The following NOL4L variants were observed in gnomAD, a reference collection of about 807,000 sequenced individuals.
NOL4L encodes nucleolar protein 4 like, also known as nucleolar protein 4-like.
In NOL4L, 7 loss-of-function variants were observed where a neutral mutation model predicts 64.5. The ratio of observed to expected loss-of-function variants is 0.11; its 90% confidence interval spans 0.06 to 0.20. The LOEUF is 0.20. Ranked by LOEUF, NOL4L falls within the 10% of genes least tolerant of loss-of-function variation. NOL4L has a pLI of 1.00. For missense variants in NOL4L, 680 were observed against 967.1 expected (o/e 0.70, Z 3.94); for synonymous variants, 413 against 401.0 (o/e 1.03, Z -0.36).
chr20:32,581,560 C>T (rs1042829013), intron 1 of NOL4L, among the ~76,000 whole-genome samples: 5 of 152,140 alleles, frequency 3.3e-5, no homozygotes, highest in African/African-American at 9.7e-5. Flanking sequence ...ACCATGGCCA[C>T]CCTGGGGACA....
At chr20:32,485,829 C>T in intron 4 of NOL4L, 1 of 466,124 alleles carries the variant, frequency 2.1e-6, no homozygotes, top group Non-Finnish European at 4.5e-6. Flanking sequence ...AGACCTTTGA[C>T]TTCTCCTGGC....
At chr20:32,548,497 T>G (rs973533014) in intron 1 of NOL4L, 8 of 155,088 alleles carry the variant, frequency 5.2e-5, no homozygotes, top group African/African-American at 1.9e-4. Context: ...ATAGATCATG[T>G]GAACTGAGAT....
intron 4 of NOL4L, among the ~76,000 whole-genome samples, chr20:32,480,924 TC>T (rs2015675534): frequency 6.6e-6 from 1 of 151,980 alleles, no homozygotes; most frequent in Non-Finnish European, 1.5e-5. Context: ...CCTGCACAAT[TC>T]CACTCCTTCC....
Position 32,465,051 on chromosome 20 carries a change from CG to C in NOL4L, c.842-8657del, listed in dbSNP as rs1161781259. Reference sequence around the variant, plus strand: ...TGCAGAGACCCTGGGGTTCCTGGCCCGTAGAGAGGTGTCCAAGCTGCAGATG... The same window carrying C: ...TGCAGAGACCCTGGGGTTCCTGGCCCTAGAGAGGTGTCCAAGCTGCAGATG... On this transcript the variant is annotated intron_variant, in intron 5 of 10. Transcript: ENST00000621426. 9 of 629,418 alleles carry C rather than the reference CG, an allele frequency of 1.4e-5. No homozygotes were observed. In the East Asian group the frequency reaches 2.6e-4, roughly 18 times the overall value. The allele number at this position is 629,418 out of a possible 1,614,324, so 39.0% of individuals were successfully genotyped here. A position where few individuals can be genotyped will look rare whatever the true frequency, so the allele number is the denominator to read the frequency against.
intron 1 of NOL4L, among the ~76,000 whole-genome samples, chr20:32,547,177 ACTCTCTTT>A: frequency 6.6e-6 from 1 of 152,174 alleles, no homozygotes; most frequent in Non-Finnish European, 1.5e-5. Context: ...GGTTGGGACA[ACTCTCTTT>A]TATGGGGGAG....
chr20:32,542,095 GAC>G (rs1338138192), intron 1 of NOL4L, among the ~76,000 whole-genome samples: 1 of 152,216 alleles, frequency 6.6e-6, no homozygotes, highest in Non-Finnish European at 1.5e-5. Context: ...TGGGCTTCAG[GAC>G]ACAGAGCTTC....
chr20:32,490,400 G>T (rs1437708403), intron 4 of NOL4L, among the ~76,000 whole-genome samples: 1 of 152,114 alleles, frequency 6.6e-6, no homozygotes, highest in African/African-American at 2.4e-5. Flanking sequence ...GTGAATCAAA[G>T]AAGTTGGGAG....
chr20:32,456,937 T>C (rs2013594929), intron 5 of NOL4L, among the ~76,000 whole-genome samples: 1 of 152,178 alleles, frequency 6.6e-6, no homozygotes, highest in African/African-American at 2.4e-5. Context: ...AGCCATTCAC[T>C]CCCTCCTGTA....
chr20:32,521,673 A>C (rs1248795323), intron 2 of NOL4L, among the ~76,000 whole-genome samples: 1 of 151,940 alleles, frequency 6.6e-6, no homozygotes, highest in Non-Finnish European at 1.5e-5. Flanking sequence ...ACATGAAAAA[A>C]GGGCTGGGTG....
intron 1 of NOL4L, among the ~76,000 whole-genome samples, chr20:32,566,770 T>C (rs1979456795): frequency 6.6e-6 from 1 of 152,176 alleles, no homozygotes; most frequent in Non-Finnish European, 1.5e-5. Flanking sequence ...TCCAACCCCT[T>C]GAGTTCCCCT....
rs1181223692 is a variant in NOL4L at position 32,448,037 on chromosome 20, A to T, written c.1823-221T>A. The stretch of plus-strand genomic sequence containing the variant: ...CAGAGAATCCTCAGGGTGATCTTGC[A>T]AGGATCCGGTTTTAGGTGAGGAAGA... On this transcript the variant is annotated intron_variant, in intron 10 of 10. Coordinates refer to ENST00000621426, the MANE Select transcript of NOL4L (RefSeq NM_001256798.2). Among the ~76,000 whole-genome samples, 5 of 152,146 alleles carry T rather than the reference A, an allele frequency of 3.3e-5. No homozygotes were observed. In the East Asian group the frequency reaches 9.6e-4, roughly 29 times the overall value.
At chr20:32,466,193 C>T (rs1370795313) in intron 5 of NOL4L, among the ~76,000 whole-genome samples, 1 of 152,156 alleles carries the variant, frequency 6.6e-6, no homozygotes. Flanking sequence ...GTCTCAAACT[C>T]CTGACCTCAA....
At chr20:32,553,393 C>T (rs1292100935) in intron 1 of NOL4L, among the ~76,000 whole-genome samples, 1 of 152,168 alleles carries the variant, frequency 6.6e-6, no homozygotes, top group Non-Finnish European at 1.5e-5. Flanking sequence ...CACTTCCTGC[C>T]GCAGGGCCTT....
intron 5 of NOL4L, among the ~76,000 whole-genome samples, chr20:32,459,104 G>A (rs1331919248): frequency 3.3e-5 from 5 of 152,370 alleles, no homozygotes; most frequent in African/African-American, 1.2e-4. Flanking sequence ...GGCCAGGGAA[G>A]TGGTTGGGCG....
rs564129351 is a variant in NOL4L at position 32,572,840 on chromosome 20, C to T, written c.321+11730G>A. On this transcript the variant is annotated intron_variant, in intron 1 of 10. Coordinates refer to ENST00000621426, the MANE Select transcript of NOL4L (RefSeq NM_001256798.2). Reference sequence around the variant, plus strand: ...GGCTCTGGCTTCCCTTCTACCTCTGCCCACTGCCCCTTCTGCAGCTCTCTG... The same window carrying T: ...GGCTCTGGCTTCCCTTCTACCTCTGTCCACTGCCCCTTCTGCAGCTCTCTG... Among the ~76,000 whole-genome samples the T allele has an allele frequency of 1.4e-3, 211 of 152,252 alleles. 2 individuals are homozygous for T. The South Asian group carries it at 0.019, about 14-fold the overall frequency.
At chr20:32,485,526 G>T (rs1032554340) in intron 4 of NOL4L, 1 of 313,228 alleles carries the variant, frequency 3.2e-6, no homozygotes, top group African/African-American at 2.2e-5. Context: ...TTAAAAGAGG[G>T]TTTAGGCACA....
At chr20:32,565,298 G>A (rs139201393) in intron 1 of NOL4L, among the ~76,000 whole-genome samples, 105 of 151,072 alleles carry the variant, frequency 7.0e-4, no homozygotes, top group Middle Eastern at 3.5e-3. Flanking sequence ...ACCTGCCCCA[G>A]ACTCTGCCTG....
intron 4 of NOL4L, among the ~76,000 whole-genome samples, chr20:32,497,574 G>A (rs928254832): frequency 2.6e-5 from 4 of 152,200 alleles, no homozygotes; most frequent in Admixed American, 6.5e-5. Flanking sequence ...GGAGTGAGGA[G>A]TTTAGTTGCA....
Position 32,520,892 on chromosome 20 carries a change from C to G in NOL4L, c.508G>C (p.Glu170Gln). The change falls in exon 3 of 11, where the codon GAG (glutamate) becomes CAG (glutamine). Residue 170 changes from glutamate (E) to glutamine (Q), a missense_variant. Transcript: ENST00000621426. ...CTCATCAGGAACCGGGTCACGGCCT[C>G]TCTCGGGAGGAAGGCATAGGTCTCT... ...IAETYAFLPR[E>Q]AVTRFLMSCT... The G allele has an allele frequency of 6.4e-7, 1 of 1,550,568 alleles. No individual in the cohort carries two copies. The highest frequency in any genetic ancestry group is 8.7e-7 in the Non-Finnish European group (1 of 1,146,934).
Sources: allele counts gnomAD v4.1 joint callset (sites outside exome capture counted in the v4.1 genomes callset), GRCh38; gene constraint gnomAD v4.1.1; transcripts MANE v1.5; gene names NCBI Gene and HGNC (gene_info 2026-07-23, HGNC 2026-07-21).